LILRA4: variants seen among roughly 807,000 people sequenced by gnomAD.
LILRA4 encodes leukocyte immunoglobulin-like receptor subfamily A member 4.
In LILRA4, 51 loss-of-function variants were observed where a neutral mutation model predicts 49.5. The observed-to-expected ratio is 1.03, with a 90% CI of 0.82 to 1.30. The LOEUF (loss-of-function observed/expected upper bound fraction) is 1.30. Among genes scored for constraint, LILRA4 ranks in the 50% most tolerant of loss-of-function variants. The pLI is 0.00. For synonymous variants in LILRA4, 272 were observed against 265.6 expected, an observed-to-expected ratio of 1.02 and a Z score of -0.23; for missense variants, 624 against 625.6, an observed-to-expected ratio of 1.00 and a Z score of 0.03.
chr19:54,338,425 G>A lies in LILRA4; in HGVS notation c.326C>T (p.Pro109Leu). 1 of 1,614,098 alleles carries A rather than the reference G, an allele frequency of 6.2e-7. No individual in the cohort carries two copies. The highest frequency in any genetic ancestry group is 1.1e-5 in the South Asian group (1 of 91,066). Reference protein sequence around the residue: ...YYQSPAGWSEPSDPLELVVTA... With the variant: ...YYQSPAGWSELSDPLELVVTA... ...CACCACCAGCTCCAGGGGGTCGCTG[G>A]GCTCTGACCAGCCTGCAGGGCTCTG... is the stretch of plus-strand genomic sequence containing the variant. The change falls in exon 3 of 8, where the codon CCC (proline) becomes CTC (leucine). Residue 109 changes from proline to leucine, a missense_variant. Transcript: ENST00000291759.
chr19:54,333,635 C>T lies in LILRA4; in HGVS notation c.1437G>A (p.Gln479=). ...HSQRSPPRCS[Q]EANSRKDNAP... Reference sequence around the variant, plus strand: ...CATTGTCCTTTCTGCTGTTTGCCTCCTGGCTGCACCTTGGGGGGCTTCTCT... The same window carrying T: ...CATTGTCCTTTCTGCTGTTTGCCTCTTGGCTGCACCTTGGGGGGCTTCTCT... The change falls in exon 8 of 8, where the codon CAG becomes CAA. Residue 479 remains glutamine (Q), a synonymous_variant. Transcript: ENST00000291759. 1 of 1,614,160 alleles carries T rather than the reference C, an allele frequency of 6.2e-7. No homozygotes were observed. The highest frequency in any genetic ancestry group is 1.7e-5 in the Admixed American group (1 of 60,014).
intron 6 of LILRA4, chr19:54,334,545 A>G (rs545615355): frequency 6.6e-6 from 1 of 152,322 alleles, no homozygotes; most frequent in Non-Finnish European, 1.5e-5. Context: ...AAATATGAAA[A>G]TGTATTCTTT....
At chr19:54,337,765 C>A in intron 4 of LILRA4, 69 bp from the exon 5 acceptor site, 1 of 1,531,876 alleles carries the variant, frequency 6.5e-7, no homozygotes, top group Non-Finnish European at 8.8e-7. Flanking sequence ...CTGTAGCCTT[C>A]CTCACTAGGG....
chr19:54,337,344 C>T (rs2081336979), intron 5 of LILRA4, 56 bp downstream of exon 5: 4 of 1,593,218 alleles, frequency 2.5e-6, no homozygotes, highest in South Asian at 1.1e-5. Flanking sequence ...TGGGCTCCCC[C>T]AGCAGGGCCT....
intron 6 of LILRA4, chr19:54,334,672 A>G (rs2081304072): frequency 6.6e-6 from 1 of 152,138 alleles, no homozygotes; most frequent in South Asian, 2.1e-4. Flanking sequence ...CTTAAAGTAA[A>G]ATAAAAAATA....
At chr19:54,337,845 T>C in intron 4 of LILRA4, 91 bp downstream of exon 4, 1 of 1,473,078 alleles carries the variant, frequency 6.8e-7, no homozygotes, top group Non-Finnish European at 9.1e-7. Flanking sequence ...CCCTCATCTT[T>C]TCTTCTTGCG....
intron 6 of LILRA4, chr19:54,334,605 T>C (rs1657244876): frequency 6.6e-6 from 1 of 152,160 alleles, no homozygotes; most frequent in South Asian, 2.1e-4. Flanking sequence ...TTCTGCTTTT[T>C]TGAAGTATGA....
Position 54,338,647 on chromosome 19 carries a change from G to A in LILRA4, c.104C>T (p.Pro35Leu). ...GTTATGCCAGGTGATCACGGGACCT[G>A]GCTCGGCCCACAGGATGGGTTTGAG... ...NLLKPILWAE[P>L]GPVITWHNPV... The change falls in exon 3 of 8, where the codon CCA (proline) becomes CTA (leucine). Residue 35 changes from proline to leucine, a missense_variant. Coordinates refer to ENST00000291759, the MANE Select transcript of LILRA4 (RefSeq NM_012276.5). 1 of 1,613,528 alleles carries A rather than the reference G, an allele frequency of 6.2e-7. No homozygotes were observed. The highest frequency in any genetic ancestry group is 1.1e-5 in the South Asian group (1 of 91,068).
In LILRA4 at chr19:54,336,865, C is replaced by T. The variant is rs2081328773; in HGVS notation, c.1231G>A (p.Glu411Lys). 1 of 1,614,214 alleles carries T rather than the reference C, an allele frequency of 6.2e-7. No homozygotes were observed. Among genetic ancestry groups the T allele is most frequent in the Admixed American group, 1.7e-5 (1 of 60,028 alleles). ...SNPYLLSHPS[E>K]PLELVVSGAT... ...CCTGAGACCACGAGCTCCAGGGGCT[C>T]ACTGGGGTGAGACAGCAGGTAGGGG... is the stretch of plus-strand genomic sequence containing the variant. The change falls in exon 6 of 8, where the codon GAG (glutamate) becomes AAG (lysine). Residue 411 changes from glutamate (E) to lysine (K), a missense_variant. Glu to Lys is a moderately conservative substitution (Grantham distance 56). Coordinates refer to ENST00000291759, the MANE Select transcript of LILRA4 (RefSeq NM_012276.5).
intron 6 of LILRA4, 141 bp downstream of exon 6, chr19:54,336,700 A>C (rs55684444): frequency 0.23 from 297,720 of 1,300,158 alleles, 35,136 homozygotes; most frequent in Middle Eastern, 0.3. Context: ...AGAGAGGCTC[A>C]GGGCTCACAA....
At position 54,333,524 on chromosome 19, in the gene LILRA4, G is replaced by A; in HGVS notation, c.*48C>T. The stretch of plus-strand genomic sequence containing the variant: ...CTTCTTCCCCTTGATATTCTCAGCA[G>A]ACACTTCCCCAACTGCTGCCCCAGT... On this transcript the variant is annotated 3_prime_UTR_variant, in exon 8 of 8. Transcript: ENST00000291759. 6.3e-7 allele frequency: 1 copy of A among 1,576,630 alleles called. No individual in the cohort carries two copies. The highest frequency in any genetic ancestry group is 8.7e-7 in the Non-Finnish European group (1 of 1,148,766).
intron 4 of LILRA4, 33 bp downstream of exon 4, chr19:54,337,902 GA>G (rs767582165): frequency 2.5e-6 from 4 of 1,580,724 alleles, no homozygotes; most frequent in Admixed American, 1.7e-5. Context: ...CTGGTGCCCT[GA>G]CTTTGTATAA....
chr19:54,334,642 T>C (rs1255697229), intron 6 of LILRA4: 1 of 151,856 alleles, frequency 6.6e-6, no homozygotes, highest in Admixed American at 6.6e-5. Context: ...GAAAAGCAAA[T>C]ATTTAAAAAC....
At chr19:54,334,071 C>G (rs201849824) in intron 6 of LILRA4, 106 bp from the exon 7 acceptor site, 3 of 891,682 alleles carry the variant, frequency 3.4e-6, no homozygotes, top group East Asian at 5.0e-5. Context: ...TTATGTAGAT[C>G]CTTAGTGAAC....
rs983410435 is a variant in LILRA4 at position 54,333,833 on chromosome 19, T to C, written c.1307-68A>G. ...CACAATTACCAAAGACCCCTGGATG[T>C]CCACCCAGGGTACCCACCTCCCCTT... On this transcript the variant is annotated intron_variant, in intron 7 of 7. Coordinates refer to ENST00000291759, the MANE Select transcript of LILRA4 (RefSeq NM_012276.5). 32 of 1,608,048 alleles carry C rather than the reference T, an allele frequency of 2.0e-5. No individual in the cohort carries two copies. The African/African-American group carries it at 3.9e-4, about 19-fold the overall frequency.
At position 54,339,042 on chromosome 19, in the gene LILRA4, C is replaced by T. The variant is rs1422742586; in HGVS notation, c.34+18G>A. The stretch of plus-strand genomic sequence containing the variant: ...CTCTCCTAGACTAGGGTCTCTCCTC[C>T]CCCTCTTAAGATCTCACCAAAGAAG... On this transcript the variant is annotated intron_variant, in intron 1 of 7. Transcript: ENST00000291759. 2 of 1,614,042 alleles carry T rather than the reference C, an allele frequency of 1.2e-6. No individual in the cohort carries two copies. The highest frequency in any genetic ancestry group is 3.3e-5 in the Admixed American group (2 of 60,022).
In LILRA4 at chr19:54,337,424, C is replaced by G. The variant is rs2081338742; in HGVS notation, c.928G>C (p.Asp310His). ...NVSSEWSAPS[D>H]PLDILIAGQI... ...CCTGCGATCAGGATATCCAGGGGGT[C>G]ACTGGGGGCCGACCACTCGGAGGAG... is the stretch of plus-strand genomic sequence containing the variant. The change falls in exon 5 of 8, where the codon GAC (aspartate) becomes CAC (histidine). Residue 310 changes from aspartate to histidine, a missense_variant. Physicochemically the swap from Asp to His is moderately conservative, Grantham distance 81. Transcript: ENST00000291759. The G allele has an allele frequency of 6.2e-7, 1 of 1,611,568 alleles. No homozygotes were observed. The highest frequency in any genetic ancestry group is 8.5e-7 in the Non-Finnish European group (1 of 1,179,838).
chr19:54,337,678 G>C lies in LILRA4; in HGVS notation c.674C>G (p.Ser225Cys), dbSNP rs2081344832. The C allele has an allele frequency of 1.2e-6, 2 of 1,612,786 alleles. No homozygotes were observed. The highest frequency in any genetic ancestry group is 1.7e-6 in the Non-Finnish European group (2 of 1,179,614). ...LLVSGVSRKPSLLTLQGPVVT... is the reference protein window; with the variant it reads ...LLVSGVSRKPCLLTLQGPVVT... ...GACAGGGCCCTGCAGGGTCAGGAGG[G>C]AGGGCTTCCTAGACACGCCTGGAGG... Residue 225 changes from serine to cysteine, a missense_variant, in exon 5 of 8, where the codon TCC becomes TGC. Transcript: ENST00000291759.
At position 54,336,988 on chromosome 19, in the gene LILRA4, T is replaced by C. The variant is rs554649783; in HGVS notation, c.1108A>G (p.Met370Val). 6.2e-6 allele frequency: 10 copies of C among 1,614,106 alleles called. No homozygotes were observed. The highest frequency in any genetic ancestry group is 1.3e-5 in the African/African-American group (1 of 75,036). ...AAHPPLRLRS[M>V]YGAHKYQAEF... ...GCCTGGTACTTATGAGCTCCGTACA[T>C]TGATCTCAGACGCAACGGGGGATGG... Residue 370 changes from methionine (M) to valine (V), a missense_variant, in exon 6 of 8, where the codon ATG becomes GTG. Physicochemically the swap from Met to Val is conservative, Grantham distance 21. Transcript: ENST00000291759.
Sources: allele counts gnomAD v4.1 joint callset, GRCh38; gene constraint gnomAD v4.1.1; transcripts MANE v1.5; gene names NCBI Gene and HGNC (gene_info 2026-07-23, HGNC 2026-07-21).